The following GCH1 variants were observed in gnomAD, a reference collection of about 807,000 sequenced individuals.
The protein encoded by GCH1 is GTP cyclohydrolase 1.
In GCH1, 5 loss-of-function variants were observed where a neutral mutation model predicts 25.9. That is an observed-to-expected ratio of 0.19 (90% confidence interval 0.10 to 0.41). The LOEUF is 0.41. Among genes scored for constraint, GCH1 ranks in the 10% least tolerant of loss-of-function variants. The probability of loss-of-function intolerance (pLI) is 1.00; values close to 1 mark genes in which losing one functional copy is unlikely to be tolerated. For synonymous variants in GCH1, 159 were observed against 129.6 expected (o/e 1.23, Z -1.54); for missense variants, 261 against 336.5 (o/e 0.78, Z 1.75).
intron 1 of GCH1, among the ~76,000 whole-genome samples, chr14:54,873,270 G>A (rs2040108409): frequency 6.6e-6 from 1 of 152,182 alleles, no homozygotes; most frequent in Non-Finnish European, 1.5e-5. Context: ...AATGAAGGTA[G>A]ACATAAAGAT....
At chr14:54,902,240 A>T in intron 1 of GCH1, 81 bp downstream of exon 1, 9 of 1,472,282 alleles carry the variant, frequency 6.1e-6, no homozygotes, top group Non-Finnish European at 8.4e-6. Flanking sequence ...CAACTCCGGA[A>T]ACTTCCTGGA....
In GCH1 at chr14:54,902,807, G is replaced by A. The variant is rs185737777; in HGVS notation, c.-144C>T. 12 of 1,090,620 alleles carry A rather than the reference G, an allele frequency of 1.1e-5. No individual in the cohort carries two copies. The highest frequency in any genetic ancestry group is 1.3e-5 in the Non-Finnish European group (11 of 849,226). The allele number at this position is 1,090,620 out of a possible 1,614,324, so 67.6% of individuals were successfully genotyped here. ...GCAACCTGCTTAGATCACACTCCGAGCCGGGAGCGGCCACAGGCTGGAAAG... is the reference window on the plus strand; with the variant it reads ...GCAACCTGCTTAGATCACACTCCGAACCGGGAGCGGCCACAGGCTGGAAAG... On this transcript the variant is annotated 5_prime_UTR_variant, in exon 1 of 6. Coordinates refer to ENST00000491895, the MANE Select transcript of GCH1 (RefSeq NM_000161.3).
intron 1 of GCH1, among the ~76,000 whole-genome samples, chr14:54,867,908 T>G (rs1310615980): frequency 6.6e-6 from 1 of 151,948 alleles, no homozygotes; most frequent in African/African-American, 2.4e-5. Context: ...AAAGGAAAAA[T>G]AGTAACTTGG....
intron 1 of GCH1, among the ~76,000 whole-genome samples, chr14:54,869,803 A>G (rs960053800): frequency 2.6e-5 from 4 of 152,242 alleles, no homozygotes; most frequent in Admixed American, 2.0e-4. Flanking sequence ...TCTAAAAAGC[A>G]AAAGGACAAT....
chr14:54,880,755 C>CATAT (rs377378934), intron 1 of GCH1, among the ~76,000 whole-genome samples: 1 of 34,082 alleles, frequency 2.9e-5, no homozygotes, highest in Non-Finnish European at 4.7e-5. Context: ...ATATATACTC[C>CATAT]ATATATATAT....
chr14:54,896,396 C>T (rs1462325116), intron 1 of GCH1, among the ~76,000 whole-genome samples: 5 of 152,052 alleles, frequency 3.3e-5, no homozygotes, highest in Non-Finnish European at 5.9e-5. Context: ...AAGACCCCAC[C>T]ACATTTCAGG....
chr14:54,886,385 G>A (rs531065480), intron 1 of GCH1, among the ~76,000 whole-genome samples: 239 of 152,248 alleles, frequency 1.6e-3, no homozygotes, highest in Non-Finnish European at 2.7e-3. Flanking sequence ...GGCCGAGGCC[G>A]GTGGATCACG....
Position 54,843,987 on chromosome 14 carries a change from G to A in GCH1, c.*30C>T, listed in dbSNP as rs369003845. 2.5e-5 allele frequency: 41 copies of A among 1,613,952 alleles called. No individual in the cohort carries two copies. Among genetic ancestry groups the A allele is most frequent in the Middle Eastern group, 1.6e-4 (1 of 6,064 alleles). ...AGACAATGCTACTGGCAGTACGATCGGCAACCAACGCACACACACTGAATG... is the reference window on the plus strand; with the variant it reads ...AGACAATGCTACTGGCAGTACGATCAGCAACCAACGCACACACACTGAATG... On this transcript the variant is annotated 3_prime_UTR_variant, in exon 6 of 6. Coordinates refer to ENST00000491895, the MANE Select transcript of GCH1 (RefSeq NM_000161.3).
chr14:54,865,483 G>C, intron 1 of GCH1, 47 bp from the exon 2 acceptor site: 1 of 896,516 alleles, frequency 1.1e-6, no homozygotes, highest in Non-Finnish European at 1.9e-6. Flanking sequence ...TTTATAGAAA[G>C]GTAGAATTAT....
intron 3 of GCH1, among the ~76,000 whole-genome samples, chr14:54,851,227 TG>T (rs1380931524): frequency 1.3e-5 from 2 of 152,298 alleles, no homozygotes; most frequent in African/African-American, 4.8e-5. Context: ...TAATTCCAGA[TG>T]GATTAAACAC....
At chr14:54,894,478 G>T (rs1012790302) in intron 1 of GCH1, among the ~76,000 whole-genome samples, 1 of 151,828 alleles carries the variant, frequency 6.6e-6, no homozygotes, top group African/African-American at 2.4e-5. Flanking sequence ...CTGTGAGACT[G>T]TTTATTTCTG....
intron 1 of GCH1, among the ~76,000 whole-genome samples, chr14:54,872,347 G>A (rs2040092927): frequency 6.6e-6 from 1 of 152,004 alleles, no homozygotes; most frequent in Non-Finnish European, 1.5e-5. Flanking sequence ...CCTGAAAGAA[G>A]CACTAAACAT....
chr14:54,897,318 C>T (rs1188926963), intron 1 of GCH1, among the ~76,000 whole-genome samples: 5 of 147,864 alleles, frequency 3.4e-5, no homozygotes, highest in African/African-American at 7.6e-5. Flanking sequence ...GACTGAGTTT[C>T]GCTCTTGTTG....
intron 1 of GCH1, chr14:54,885,133 G>A (rs974899439): frequency 3.0e-5 from 8 of 269,892 alleles, no homozygotes; most frequent in African/African-American, 1.4e-4. Context: ...AGTGGTGACA[G>A]TAGGGTCCCC....
At chr14:54,900,847 A>T (rs1009214978) in intron 1 of GCH1, among the ~76,000 whole-genome samples, 1 of 13,952 alleles carries the variant, frequency 7.2e-5, no homozygotes, top group African/African-American at 2.8e-4. Context: ...GAAATATCTC[A>T]CACACACACA....
At chr14:54,892,333 T>C (rs1179980038) in intron 1 of GCH1, among the ~76,000 whole-genome samples, 2 of 152,204 alleles carry the variant, frequency 1.3e-5, no homozygotes, top group South Asian at 2.1e-4. Context: ...GTATCTTCAA[T>C]TCTAAGGTTT....
chr14:54,849,140 G>A (rs2039688095), intron 3 of GCH1, among the ~76,000 whole-genome samples: 1 of 152,222 alleles, frequency 6.6e-6, no homozygotes, highest in African/African-American at 2.4e-5. Context: ...CTGGCAGACA[G>A]CTGCTCTCAT....
At chr14:54,874,930 T>C (rs892704040) in intron 1 of GCH1, among the ~76,000 whole-genome samples, 2 of 152,102 alleles carry the variant, frequency 1.3e-5, no homozygotes, top group Non-Finnish European at 2.9e-5. Flanking sequence ...GCCATCCCCA[T>C]CAAGCTACCA....
At chr14:54,855,388 C>T (rs2039793202) in intron 3 of GCH1, among the ~76,000 whole-genome samples, 2 of 151,722 alleles carry the variant, frequency 1.3e-5, no homozygotes, top group Non-Finnish European at 2.9e-5. Flanking sequence ...CGCCTGTAAT[C>T]CCAGCTACTC....
Sources: gnomAD v4.1 joint callset for allele counts (sites outside exome capture counted in the v4.1 genomes callset) on GRCh38, gnomAD v4.1.1 for gene constraint, MANE v1.5 for transcripts, NCBI Gene and HGNC (gene_info 2026-07-23, HGNC 2026-07-21) for gene names.